Variants in RALYL observed in about 807,000 individuals in gnomAD.
RALYL encodes the protein RNA-binding Raly-like protein.
A neutral mutation model predicts 35.1 loss-of-function variants in RALYL; 29 were observed. The ratio of observed to expected loss-of-function variants is 0.83; its 90% confidence interval spans 0.61 to 1.13. The LOEUF is 1.13. RALYL is among the 50% of genes most tolerant of loss of function. RALYL has a pLI of 0.00. For synonymous variants in RALYL, 120 were observed against 127.6 expected (o/e 0.94, Z 0.40); for missense variants, 359 against 360.4 (o/e 1.00, Z 0.03).
chr8:84,619,694 G>T (rs1464467350), intron 2 of RALYL, among the ~76,000 whole-genome samples: 1 of 151,388 alleles, frequency 6.6e-6, no homozygotes, highest in Non-Finnish European at 1.5e-5. Flanking sequence ...AGTCTCGATG[G>T]TCTTTACATT....
intron 8 of RALYL, among the ~76,000 whole-genome samples, chr8:84,911,895 G>T (rs1000230875): frequency 1.3e-5 from 2 of 152,084 alleles, no homozygotes; most frequent in African/African-American, 4.8e-5. Context: ...AGATACATAA[G>T]GTAAGGTCTG....
chr8:84,303,100 T>C (rs1362553699), intron 1 of RALYL, among the ~76,000 whole-genome samples: 1 of 152,186 alleles, frequency 6.6e-6, no homozygotes, highest in African/African-American at 2.4e-5. Flanking sequence ...TTATTCTTCA[T>C]ATGTGTCTAT....
chr8:84,276,240 T>C (rs1446088083), intron 1 of RALYL, among the ~76,000 whole-genome samples: 4 of 152,170 alleles, frequency 2.6e-5, no homozygotes, highest in African/African-American at 7.2e-5. Context: ...AATACGAATG[T>C]GGTCATGATT....
chr8:84,376,283 C>G (rs1856899082), intron 1 of RALYL, among the ~76,000 whole-genome samples: 1 of 151,760 alleles, frequency 6.6e-6, no homozygotes, highest in South Asian at 2.1e-4. Context: ...AGTGCTTGAC[C>G]AGTAAAATTT....
At chr8:84,365,694 T>C (rs541439164) in intron 1 of RALYL, among the ~76,000 whole-genome samples, 3 of 152,310 alleles carry the variant, frequency 2.0e-5, no homozygotes, top group East Asian at 3.9e-4. Context: ...TCAATACTGA[T>C]ATCATATTAA....
At chr8:84,487,598 G>GT (rs2054793195) in intron 1 of RALYL, among the ~76,000 whole-genome samples, 1 of 152,020 alleles carries the variant, frequency 6.6e-6, no homozygotes, top group African/African-American at 2.4e-5. Flanking sequence ...ACCAGTTTCT[G>GT]TAAGTTTTAT....
At chr8:84,738,933 A>T (rs1222380516) in intron 2 of RALYL, among the ~76,000 whole-genome samples, 1 of 152,012 alleles carries the variant, frequency 6.6e-6, no homozygotes, top group Non-Finnish European at 1.5e-5. Context: ...GTATTCCTAA[A>T]CCAATCATTC....
chr8:84,539,009 T>A (rs4740023), intron 2 of RALYL, among the ~76,000 whole-genome samples: 125 of 152,150 alleles, frequency 8.2e-4, no homozygotes, highest in African/African-American at 2.9e-3. Context: ...GAAGAAAATC[T>A]TTATAGGCTG....
intron 1 of RALYL, among the ~76,000 whole-genome samples, chr8:84,219,521 C>T (rs35447805): frequency 0.08 from 12,130 of 151,792 alleles, 505 homozygotes; most frequent in Middle Eastern, 0.1. Context: ...TTTTTGTGTG[C>T]GTGTGTAATG....
At chr8:84,571,984 A>G (rs189572556) in intron 2 of RALYL, among the ~76,000 whole-genome samples, 1 of 151,962 alleles carries the variant, frequency 6.6e-6, no homozygotes, top group Non-Finnish European at 1.5e-5. Flanking sequence ...GACATTTGAT[A>G]TGAATTTGAT....
chr8:84,202,635 G>T (rs62528133), intron 1 of RALYL, among the ~76,000 whole-genome samples: 1,856 of 152,212 alleles, frequency 0.012, 17 homozygotes, highest in Middle Eastern at 0.024. Context: ...GCCTCCCAAA[G>T]TGCTGGGATT....
intron 4 of RALYL, among the ~76,000 whole-genome samples, chr8:84,813,912 AC>A (rs113596956): frequency 2.5e-4 from 18 of 72,898 alleles, no homozygotes; most frequent in African/African-American, 1.0e-3. Flanking sequence ...CCCCCACCCC[AC>A]GACAGGCCCC....
At chr8:84,615,597 T>C (rs1250012572) in intron 2 of RALYL, among the ~76,000 whole-genome samples, 14 of 131,356 alleles carry the variant, frequency 1.1e-4, no homozygotes, top group Admixed American at 1.1e-3. Context: ...TTTTTTTTTT[T>C]TTTACTTATT....
At chr8:84,864,152 T>C (rs572851329) in intron 6 of RALYL, among the ~76,000 whole-genome samples, 1 of 152,230 alleles carries the variant, frequency 6.6e-6, no homozygotes, top group South Asian at 2.1e-4. Context: ...TTAAGTCCAA[T>C]GGTAAATCAC....
intron 3 of RALYL, among the ~76,000 whole-genome samples, chr8:84,784,184 A>G (rs1351809980): frequency 2.0e-5 from 3 of 152,194 alleles, no homozygotes; most frequent in African/African-American, 7.2e-5. Flanking sequence ...GGCTTCTTCT[A>G]TAACACAGTC....
chr8:84,845,078 C>A (rs960336855), intron 4 of RALYL, among the ~76,000 whole-genome samples: 2 of 152,040 alleles, frequency 1.3e-5, no homozygotes, highest in African/African-American at 4.8e-5. Context: ...TGTAACTAAC[C>A]TGCACGTTGT....
At chr8:84,759,838 T>C (rs1030218454) in intron 2 of RALYL, among the ~76,000 whole-genome samples, 1 of 152,220 alleles carries the variant, frequency 6.6e-6, no homozygotes, top group African/African-American at 2.4e-5. Context: ...GTTACGTATC[T>C]GTGATGTGAT....
At chr8:84,671,542 C>T (rs1833242822) in intron 2 of RALYL, among the ~76,000 whole-genome samples, 1 of 152,216 alleles carries the variant, frequency 6.6e-6, no homozygotes, top group Admixed American at 6.5e-5. Context: ...CCTCTGAAAT[C>T]TAGGCAGAGG....
At chr8:84,219,450 G>A (rs546927827) in intron 1 of RALYL, among the ~76,000 whole-genome samples, 77 of 152,106 alleles carry the variant, frequency 5.1e-4, no homozygotes, top group Non-Finnish European at 9.9e-4. Context: ...CCAGTCTTGA[G>A]CAGTTCATTA....
Sources: allele counts gnomAD v4.1 joint callset (sites outside exome capture counted in the v4.1 genomes callset), GRCh38; gene constraint gnomAD v4.1.1; transcripts MANE v1.5; gene names NCBI Gene and HGNC (gene_info 2026-07-23, HGNC 2026-07-21).